The following SGCD variants were observed in gnomAD, a reference collection of about 807,000 sequenced individuals.
The protein encoded by SGCD is sarcoglycan delta.
A neutral mutation model predicts 36.6 loss-of-function variants in SGCD; 18 were observed. The ratio of observed to expected loss-of-function variants is 0.49; its 90% confidence interval spans 0.34 to 0.73. The LOEUF is 0.73. SGCD is among the 30% of genes least tolerant of loss of function. SGCD has a pLI of 0.01. For missense variants in SGCD, 387 were observed against 346.7 expected, an observed-to-expected ratio of 1.12 and a Z score of -0.92; for synonymous variants, 133 against 130.6, an observed-to-expected ratio of 1.02 and a Z score of -0.12.
chr5:156,228,578 T>C (rs1764915513), intron 3 of SGCD, among the ~76,000 whole-genome samples: 1 of 152,214 alleles, frequency 6.6e-6, no homozygotes, highest in Admixed American at 6.5e-5. Flanking sequence ...AGTTGGCTGG[T>C]ATCTGATCAA....
At chr5:156,271,731 A>G (rs1349203891) in intron 3 of SGCD, among the ~76,000 whole-genome samples, 1 of 152,132 alleles carries the variant, frequency 6.6e-6, no homozygotes, top group Non-Finnish European at 1.5e-5. Flanking sequence ...TCCAAGGGAC[A>G]TGTCCCAGAG....
At chr5:156,516,750 A>G (rs1757192701) in intron 4 of SGCD, among the ~76,000 whole-genome samples, 1 of 152,144 alleles carries the variant, frequency 6.6e-6, no homozygotes, top group Non-Finnish European at 1.5e-5. Flanking sequence ...TAATCCCAGC[A>G]ATTTAGGAGG....
At chr5:156,247,312 A>G (rs1765462497) in intron 3 of SGCD, among the ~76,000 whole-genome samples, 1 of 152,198 alleles carries the variant, frequency 6.6e-6, no homozygotes, top group Non-Finnish European at 1.5e-5. Flanking sequence ...ACTCAGTGTA[A>G]AAGGGGCTCC....
intron 6 of SGCD, among the ~76,000 whole-genome samples, chr5:156,642,533 G>A (rs368958344): frequency 1.4e-5 from 2 of 147,742 alleles, no homozygotes; most frequent in Admixed American, 1.4e-4. Context: ...GCAGTGATGG[G>A]ATCTCGACTC....
the SGCD span, among the ~76,000 whole-genome samples, chr5:155,849,422 CCA>C: frequency 2.7e-5 from 4 of 150,730 alleles, no homozygotes; most frequent in Admixed American, 1.3e-4. Flanking sequence ...CCACCCCCCT[CCA>C]CACACACACA....
chr5:156,542,034 C>T (rs954482230), intron 4 of SGCD, among the ~76,000 whole-genome samples: 5 of 152,106 alleles, frequency 3.3e-5, no homozygotes, highest in Admixed American at 1.3e-4. Context: ...TCACTGCAAA[C>T]ATTTGACTTT....
intron 4 of SGCD, among the ~76,000 whole-genome samples, chr5:156,584,224 G>A (rs1449110689): frequency 6.6e-6 from 1 of 152,130 alleles, no homozygotes; most frequent in East Asian, 1.9e-4. Flanking sequence ...AAATACACTT[G>A]TCTATGTTTT....
intron 1 of SGCD, among the ~76,000 whole-genome samples, chr5:155,921,562 G>A (rs1456610292): frequency 1.4e-5 from 2 of 146,412 alleles, no homozygotes; most frequent in African/African-American, 4.9e-5. Context: ...TCTTTCTCTG[G>A]AAAGAAAGGG....
chr5:156,259,760 C>T (rs892344975), intron 3 of SGCD, among the ~76,000 whole-genome samples: 3 of 151,902 alleles, frequency 2.0e-5, no homozygotes, highest in South Asian at 2.1e-4. Context: ...TAGATAAGGT[C>T]GTCAGGGTGG....
At chr5:155,737,889 G>T in the SGCD span, among the ~76,000 whole-genome samples, 1 of 152,104 alleles carries the variant, frequency 6.6e-6, no homozygotes, top group African/African-American at 2.4e-5. Context: ...TGGGTTTGGC[G>T]GTGGGAACCT....
At chr5:156,087,158 C>T (rs1472680523) in intron 1 of SGCD, among the ~76,000 whole-genome samples, 5 of 152,114 alleles carry the variant, frequency 3.3e-5, no homozygotes, top group African/African-American at 9.7e-5. Context: ...CTTTTTCCAC[C>T]AGGATGGTCC....
chr5:156,130,995 C>A (rs763209999), intron 3 of SGCD, among the ~76,000 whole-genome samples: 7 of 152,186 alleles, frequency 4.6e-5, no homozygotes, highest in Admixed American at 1.3e-4. Flanking sequence ...TCCCAAAGTG[C>A]CGTGATTACA....
chr5:156,603,255 T>G (rs1462789874), intron 6 of SGCD, among the ~76,000 whole-genome samples: 2 of 152,134 alleles, frequency 1.3e-5, no homozygotes, highest in African/African-American at 4.8e-5. Flanking sequence ...TACATAATAA[T>G]CCATTTTATT....
At chr5:156,626,056 G>A (rs1216763915) in intron 6 of SGCD, among the ~76,000 whole-genome samples, 1 of 152,038 alleles carries the variant, frequency 6.6e-6, no homozygotes, top group Non-Finnish European at 1.5e-5. Context: ...GTGGGGGGTT[G>A]CTACTGACAT....
intron 3 of SGCD, among the ~76,000 whole-genome samples, chr5:156,204,719 A>G (rs1224823278): frequency 6.6e-6 from 1 of 152,114 alleles, no homozygotes; most frequent in East Asian, 1.9e-4. Context: ...CATATGGGGC[A>G]CATTATGTAA....
At chr5:155,836,034 T>A in the SGCD span, among the ~76,000 whole-genome samples, 1 of 152,326 alleles carries the variant, frequency 6.6e-6, no homozygotes, top group East Asian at 1.9e-4. Flanking sequence ...TTGAAAAGTA[T>A]CCCCTGTGGA....
intron 3 of SGCD, among the ~76,000 whole-genome samples, chr5:156,270,785 A>T (rs149741327): frequency 2.0e-5 from 3 of 150,498 alleles, no homozygotes; most frequent in Admixed American, 6.7e-5. Context: ...TGTCTGCTGG[A>T]TAGGGCTGTG....
intron 3 of SGCD, among the ~76,000 whole-genome samples, chr5:156,484,169 G>A (rs1166764398): frequency 6.6e-6 from 1 of 152,186 alleles, no homozygotes; most frequent in Non-Finnish European, 1.5e-5. Context: ...TGTCATTAAA[G>A]AAAAGGGAAA....
At chr5:155,850,179 T>A in the SGCD span, among the ~76,000 whole-genome samples, 10 of 152,310 alleles carry the variant, frequency 6.6e-5, no homozygotes, top group Admixed American at 3.9e-4. Flanking sequence ...ATTTGCTTTT[T>A]TCTGTAATGC....
Sources: allele counts gnomAD v4.1 joint callset (sites outside exome capture counted in the v4.1 genomes callset), GRCh38; gene constraint gnomAD v4.1.1; transcripts MANE v1.5; gene names NCBI Gene and HGNC (gene_info 2026-07-23, HGNC 2026-07-21).